The following FSTL4 variants were observed in gnomAD, a reference collection of about 807,000 sequenced individuals.
FSTL4 encodes the protein follistatin-related protein 4.
Under a neutral mutation model 78.2 loss-of-function variants are expected in FSTL4, and 28 were observed. That is an observed-to-expected ratio of 0.36 (90% CI 0.27 to 0.49). FSTL4 has a LOEUF of 0.49. Among genes scored for constraint, FSTL4 ranks in the 20% least tolerant of loss-of-function variants. FSTL4 has a pLI of 0.98. For synonymous variants in FSTL4, 422 were observed against 440.5 expected, an observed-to-expected ratio of 0.96 and a Z score of 0.53; for missense variants, 922 against 1,084.9, an observed-to-expected ratio of 0.85 and a Z score of 2.11.
chr5:133,672,910 G>T, the FSTL4 span, among the ~76,000 whole-genome samples: 2 of 152,176 alleles, frequency 1.3e-5, no homozygotes, highest in South Asian at 2.1e-4. Flanking sequence ...TGCCCAAGAC[G>T]GTCAGGGCAC....
chr5:133,686,952 C>T, the FSTL4 span, among the ~76,000 whole-genome samples: 1 of 152,186 alleles, frequency 6.6e-6, no homozygotes, highest in Non-Finnish European at 1.5e-5. Context: ...TGGGAAGAAG[C>T]AAAGGCTTAG....
At chr5:133,556,176 G>A (rs1367088752) in intron 3 of FSTL4, among the ~76,000 whole-genome samples, 1 of 152,170 alleles carries the variant, frequency 6.6e-6, no homozygotes, top group African/African-American at 2.4e-5. Context: ...CCCACAGAAT[G>A]TATCTTCCTG....
At chr5:133,274,615 C>G (rs2126851489) in intron 6 of FSTL4, among the ~76,000 whole-genome samples, 1 of 152,232 alleles carries the variant, frequency 6.6e-6, no homozygotes, top group East Asian at 1.9e-4. Context: ...AGTGAGAGGG[C>G]TTTGGTGGGG....
In FSTL4 at chr5:133,224,196, C is replaced by T. The variant is rs377589568; in HGVS notation, c.1333G>A (p.Glu445Lys). 3 of 1,612,714 alleles carry T rather than the reference C, an allele frequency of 1.9e-6. No individual in the cohort carries two copies. The highest frequency in any genetic ancestry group is 2.5e-6 in the Non-Finnish European group (3 of 1,179,010). ...RKTLANILWR[E>K]EGLSVGNMFY... ...AAACAATGAAGCTTGGTACCTTCCT[C>T]TCGCCACAGGATGTTTGCAACTGCA... Residue 445 changes from glutamate (E) to lysine (K), a missense_variant, in exon 11 of 16, where the codon GAG (glutamate) becomes AAG (lysine). Transcript: ENST00000265342.
At chr5:133,571,686 T>C (rs961144839) in intron 2 of FSTL4, among the ~76,000 whole-genome samples, 3 of 152,014 alleles carry the variant, frequency 2.0e-5, no homozygotes, top group Non-Finnish European at 2.9e-5. Context: ...CAAAAACCTA[T>C]TGAAACAAAA....
Position 133,283,596 on chromosome 5 carries a change from A to G in FSTL4, c.727+29058T>C, listed in dbSNP as rs529051043. The stretch of plus-strand genomic sequence containing the variant: ...AGATCCCCAGGGGTAAGGAAATTCT[A>G]GTGCTGCTTGGGGTAGAATTGAGAG... On this transcript the variant is annotated intron_variant, in intron 6 of 15. Transcript: ENST00000265342. Among the ~76,000 whole-genome samples, 126 of 152,220 alleles carry G rather than the reference A, an allele frequency of 8.3e-4. 1 individual carries two copies. Among genetic ancestry groups the G allele is most frequent in the African/African-American group, 2.9e-3 (122 of 41,544 alleles).
chr5:133,291,037 C>A (rs904728639), intron 6 of FSTL4, among the ~76,000 whole-genome samples: 3 of 152,238 alleles, frequency 2.0e-5, no homozygotes, highest in East Asian at 1.9e-4. Flanking sequence ...CCTGAGCCTG[C>A]GCTCAAGGTC....
chr5:133,697,461 T>A, the FSTL4 span, among the ~76,000 whole-genome samples: 1 of 152,214 alleles, frequency 6.6e-6, no homozygotes. Flanking sequence ...TCATCCTCTC[T>A]GTCTTGGAAG....
intron 1 of FSTL4, among the ~76,000 whole-genome samples, chr5:133,607,815 C>T (rs1761007031): frequency 6.6e-6 from 1 of 151,756 alleles, no homozygotes; most frequent in Non-Finnish European, 1.5e-5. Flanking sequence ...CCTTAATTCC[C>T]ACATTCTACC....
At chr5:133,528,436 G>A (rs557410511) in intron 3 of FSTL4, among the ~76,000 whole-genome samples, 77 of 152,090 alleles carry the variant, frequency 5.1e-4, no homozygotes, top group African/African-American at 1.8e-3. Context: ...ATCTCCTTCT[G>A]TTCTCTGGTT....
At chr5:133,280,605 C>G (rs1752987160) in intron 6 of FSTL4, among the ~76,000 whole-genome samples, 3 of 152,186 alleles carry the variant, frequency 2.0e-5, no homozygotes, top group Admixed American at 2.0e-4. Flanking sequence ...GGAGGCTCCC[C>G]TCAGCTGCCT....
At chr5:133,691,945 A>G in the FSTL4 span, among the ~76,000 whole-genome samples, 4 of 152,178 alleles carry the variant, frequency 2.6e-5, no homozygotes, top group Non-Finnish European at 5.9e-5. Context: ...TATACAAATT[A>G]ATAGCACACT....
At chr5:133,450,911 C>A (rs116374508) in intron 3 of FSTL4, among the ~76,000 whole-genome samples, 2,202 of 152,200 alleles carry the variant, frequency 0.014, 45 homozygotes, top group African/African-American at 0.049. Context: ...AAGACCCAGA[C>A]CCCAGGTGTT....
the FSTL4 span, among the ~76,000 whole-genome samples, chr5:133,827,250 C>A: frequency 6.6e-6 from 1 of 152,188 alleles, no homozygotes; most frequent in Admixed American, 6.5e-5. Flanking sequence ...ACTAAGCCAA[C>A]TAAGTGAGCC....
rs1561678131 is a variant in FSTL4, at chr5:133,338,217, C to A, written c.410-21565G>T. Among the ~76,000 whole-genome samples, 1 of 152,240 alleles carries A rather than the reference C, an allele frequency of 6.6e-6. No homozygotes were observed. The highest frequency in any genetic ancestry group is 1.9e-4 in the East Asian group (1 of 5,170). ...CACTCACTGGCCCTGGCCCTGATGA[C>A]CCCCCGGGTGTGTGCCCCTATTCCT... On this transcript the variant is annotated intron_variant, in intron 4 of 15. Transcript: ENST00000265342. This position sits in a 1 kb window ranked among gnomAD's most constrained non-coding sequence, Gnocchi z 4.0.
Position 133,225,583 on chromosome 5 carries a change from T to C in FSTL4, c.1177+75A>G. 1 of 1,324,810 alleles carries C rather than the reference T, an allele frequency of 7.5e-7. No homozygotes were observed. Among genetic ancestry groups the C allele is most frequent in the South Asian group, 1.4e-5 (1 of 70,876 alleles). 82.1% of individuals were successfully genotyped at this position (1,324,810 alleles called of 1,614,324 possible). ...CTGACTTATAAACAAATTATACCTC[T>C]CGTTTCCATTCCTGGAGTCTCAGCT... On this transcript the variant is annotated intron_variant, in intron 9 of 15. Coordinates refer to ENST00000265342, the MANE Select transcript of FSTL4 (RefSeq NM_015082.2). This position sits in a 1 kb window ranked among gnomAD's most constrained non-coding sequence, Gnocchi z 4.6.
At chr5:133,637,673 C>G in the FSTL4 span, among the ~76,000 whole-genome samples, 1 of 152,002 alleles carries the variant, frequency 6.6e-6, no homozygotes. Context: ...TTGGGATGCT[C>G]TGGGTCCTAG....
chr5:133,629,283 T>G, the FSTL4 span, among the ~76,000 whole-genome samples: 2 of 152,236 alleles, frequency 1.3e-5, no homozygotes, highest in African/African-American at 4.8e-5. Flanking sequence ...TTTATTGATT[T>G]GCATATATTG....
intron 4 of FSTL4, among the ~76,000 whole-genome samples, chr5:133,343,541 A>T (rs543412036): frequency 6.6e-6 from 1 of 152,230 alleles, no homozygotes; most frequent in African/African-American, 2.4e-5. Context: ...AAAACCACAC[A>T]TATCAGAAAT....
Sources: gnomAD v4.1 joint callset for allele counts (sites outside exome capture counted in the v4.1 genomes callset) on GRCh38, gnomAD v4.1.1 for gene constraint, Gnocchi (gnomAD v3.1) non-coding constraint, MANE v1.5 for transcripts, NCBI Gene and HGNC (gene_info 2026-07-23, HGNC 2026-07-21) for gene names.